Variants in PRLHR observed in about 807,000 individuals in gnomAD.
The protein encoded by PRLHR is prolactin releasing hormone receptor.
In PRLHR, 10 loss-of-function variants were observed where a neutral mutation model predicts 9.3. That is an observed-to-expected ratio of 1.08 (90% CI 0.66 to 1.82). PRLHR has a LOEUF of 1.82. PRLHR is among the 40% of genes most tolerant of loss of function. The pLI is 0.00. For missense variants in PRLHR, 589 were observed against 512.0 expected (o/e 1.15, Z -1.45); for synonymous variants, 261 against 249.3 (o/e 1.05, Z -0.44).
In PRLHR at chr10:118,591,758, C is replaced by A. The variant is rs1029499543; in HGVS notation, c.*2374G>T. 9 of 142,022 alleles carry A rather than the reference C, an allele frequency of 6.3e-5. No homozygotes were observed. The highest frequency in any genetic ancestry group is 1.2e-4 in the Non-Finnish European group (8 of 66,208). The allele number at this position is 142,022 out of a possible 1,614,324, so 8.8% of individuals were successfully genotyped here. A position where few individuals can be genotyped will look rare whatever the true frequency, so the allele number is the denominator to read the frequency against. ...TCACCCAGGTTGGAGTACACTGGCA[C>A]AATCTCAGCTCACTGCAACCTCTGC... On this transcript the variant is annotated 3_prime_UTR_variant, in exon 2 of 2. Coordinates refer to ENST00000239032, the MANE Select transcript of PRLHR (RefSeq NM_004248.3).
rs539260537 is a variant in PRLHR at position 118,593,497 on chromosome 10, G to C, written c.*635C>G. 5 of 152,296 alleles carry C rather than the reference G, an allele frequency of 3.3e-5. No homozygotes were observed. In the East Asian group the frequency reaches 9.6e-4, roughly 29 times the overall value. The allele number at this position is 152,296 out of a possible 1,614,324, so 9.4% of individuals were successfully genotyped here. A position where few individuals can be genotyped will look rare whatever the true frequency, so the allele number is the denominator to read the frequency against. Reference sequence around the variant, plus strand: ...GAGGAAAGGGGAGAAACAATAGCAAGACCTTTCTAAAGGGAGCTTGTAGGT... The same window carrying C: ...GAGGAAAGGGGAGAAACAATAGCAACACCTTTCTAAAGGGAGCTTGTAGGT... On this transcript the variant is annotated 3_prime_UTR_variant, in exon 2 of 2. Coordinates refer to ENST00000239032, the MANE Select transcript of PRLHR (RefSeq NM_004248.3).
chr10:118,594,618 G>T lies in PRLHR; in HGVS notation c.627C>A (p.Arg209=), dbSNP rs1172368251. 3.2e-6 allele frequency: 5 copies of T among 1,576,302 alleles called. No homozygotes were observed. Among genetic ancestry groups the T allele is most frequent in the Non-Finnish European group, 3.4e-6 (4 of 1,162,840 alleles). ...GGGAGCCCCAGAACTCCTCGCAGAG[G>T]CGCACGTCGTGCGGCTTGAGCTCCA... ...YHVELKPHDV[R]LCEEFWGSQE... is the part of the protein sequence containing the mutation. The change falls in exon 2 of 2, where the codon CGC becomes CGA. Residue 209 remains arginine (R), a synonymous_variant. Transcript: ENST00000239032.
In PRLHR at chr10:118,595,011, G is replaced by C; in HGVS notation, c.234C>G (p.Asn78Lys). Residue 78 changes from asparagine to lysine, a missense_variant, in exon 2 of 2, where the codon AAC (asparagine) becomes AAG (lysine). Coordinates refer to ENST00000239032, the MANE Select transcript of PRLHR (RefSeq NM_004248.3). The stretch of plus-strand genomic sequence containing the variant: ...GCGCGATCACCAGCACCAGCAGGCA[G>C]TTGCCCACCAGCCCCACGACCACCA... ...SVVVVVGLVG[N>K]CLLVLVIARV... The C allele has an allele frequency of 1.2e-6, 2 of 1,613,112 alleles. No homozygotes were observed. The highest frequency in any genetic ancestry group is 1.7e-6 in the Non-Finnish European group (2 of 1,179,562).
rs1844480330 is a variant in PRLHR, at chr10:118,595,040, C to T, written c.205G>A (p.Val69Ile). 3.1e-6 allele frequency: 5 copies of T among 1,609,940 alleles called. No individual in the cohort carries two copies. In the East Asian group the frequency reaches 6.7e-5, roughly 22 times the overall value. ...CCCACCAGCCCCACGACCACCACGA[C>T]GCTGTAGAGCAGCACGATCAGCCCC... is the stretch of plus-strand genomic sequence containing the variant. ...LKGLIVLLYS[V>I]VVVVGLVGNC... Residue 69 changes from valine (V) to isoleucine (I), a missense_variant, in exon 2 of 2, where the codon GTC (valine) becomes ATC (isoleucine). Coordinates refer to ENST00000239032, the MANE Select transcript of PRLHR (RefSeq NM_004248.3).
chr10:118,593,831 T>C lies in PRLHR; in HGVS notation c.*301A>G, dbSNP rs36054377. ...GGCAATCGTGGTTCTGAAATACTTT[T>C]CTGAACGTGGAGAAAAAGTTTTGTT... is the stretch of plus-strand genomic sequence containing the variant. On this transcript the variant is annotated 3_prime_UTR_variant, in exon 2 of 2. Transcript: ENST00000239032. 20,351 of 254,862 alleles carry C rather than the reference T, an allele frequency of 0.08. 993 individuals carry two copies. The highest frequency in any genetic ancestry group is 0.17 in the Admixed American group (3,047 of 17,872). 15.8% of individuals were successfully genotyped at this position (254,862 alleles called of 1,614,324 possible).
In PRLHR at chr10:118,594,449, C is replaced by T. The variant is rs971212053; in HGVS notation, c.796G>A (p.Ala266Thr). The change falls in exon 2 of 2, where the codon GCC (alanine) becomes ACC (threonine). Residue 266 changes from alanine to threonine, a missense_variant. Coordinates refer to ENST00000239032, the MANE Select transcript of PRLHR (RefSeq NM_004248.3). The stretch of plus-strand genomic sequence containing the variant: ...CGGCGCCGAGCGCGGTCCCAGTCGG[C>T]CTGGCTCTGGGTCACGCAGCCCGGC... ...VVPGCVTQSQADWDRARRRRT... is the reference protein window; with the variant it reads ...VVPGCVTQSQTDWDRARRRRT... 2 of 1,602,294 alleles carry T rather than the reference C, an allele frequency of 1.2e-6. No individual in the cohort carries two copies. The highest frequency in any genetic ancestry group is 1.7e-5 in the Admixed American group (1 of 59,936).
chr10:118,594,183 G>C lies in PRLHR; in HGVS notation c.1062C>G (p.Pro354=). 1 of 1,558,350 alleles carries C rather than the reference G, an allele frequency of 6.4e-7. No individual in the cohort carries two copies. Among genetic ancestry groups the C allele is most frequent in the Non-Finnish European group, 8.7e-7 (1 of 1,151,130 alleles). The change falls in exon 2 of 2, where the codon CCC becomes CCG. Residue 354 remains proline, a synonymous_variant. Coordinates refer to ENST00000239032, the MANE Select transcript of PRLHR (RefSeq NM_004248.3). ...EELRKLLVAW[P]RKIAPHGQNM... is the part of the protein sequence containing the mutation. The stretch of plus-strand genomic sequence containing the variant: ...TCTGGCCATGGGGGGCTATCTTGCG[G>C]GGCCAAGCGACCAACAGTTTGCGCA...
At position 118,594,149 on chromosome 10, in the gene PRLHR, C is replaced by T. The variant is rs373039353; in HGVS notation, c.1096G>A (p.Val366Ile). The T allele has an allele frequency of 1.2e-5, 19 of 1,524,478 alleles. No homozygotes were observed. In the African/African-American group the frequency reaches 1.4e-4, roughly 11 times the overall value. The allele number at this position is 1,524,478 out of a possible 1,614,324, so 94.4% of individuals were successfully genotyped here. A position where few individuals can be genotyped will look rare whatever the true frequency, so the allele number is the denominator to read the frequency against. ...KIAPHGQNMT[V>I]SVVI ...AAGTGGCATCAGATGACCACGCTGA[C>T]GGTCATATTCTGGCCATGGGGGGCT... The change falls in exon 2 of 2, where the codon GTC (valine) becomes ATC (isoleucine). Residue 366 changes from valine to isoleucine, a missense_variant. Physicochemically the swap from Val to Ile is conservative, Grantham distance 29. Coordinates refer to ENST00000239032, the MANE Select transcript of PRLHR (RefSeq NM_004248.3).
rs958451326 is a variant in PRLHR at position 118,595,170 on chromosome 10, G to C, written c.75C>G (p.Pro25=). The change falls in exon 2 of 2, where the codon CCC becomes CCG. Residue 25 remains proline, a synonymous_variant. Transcript: ENST00000239032. ...FSGLPPAVTT[P]ANQSAEASAG... ...CCGAGGCCTCTGCGCTCTGGTTGGC[G>C]GGAGTTGTGACCGCCGGCGGCAGCC... 1.9e-6 allele frequency: 3 copies of C among 1,584,466 alleles called. No individual in the cohort carries two copies. Among genetic ancestry groups the C allele is most frequent in the Non-Finnish European group, 2.6e-6 (3 of 1,170,134 alleles).
chr10:118,590,831 C>T lies in PRLHR; in HGVS notation c.*3301G>A, dbSNP rs940880408. Reference sequence around the variant, plus strand: ...GTAAGAATTAATTGCTGTTCCGTTGCTGATTTTCATAATATGTAAAGATGT... The same window carrying T: ...GTAAGAATTAATTGCTGTTCCGTTGTTGATTTTCATAATATGTAAAGATGT... On this transcript the variant is annotated 3_prime_UTR_variant, in exon 2 of 2. Transcript: ENST00000239032. 3 of 152,170 alleles carry T rather than the reference C, an allele frequency of 2.0e-5. No individual in the cohort carries two copies. Among genetic ancestry groups the T allele is most frequent in the Non-Finnish European group, 4.4e-5 (3 of 68,038 alleles). 9.4% of individuals were successfully genotyped at this position (152,170 alleles called of 1,614,324 possible).
In PRLHR at chr10:118,590,519, T is replaced by C. The variant is rs1431064136; in HGVS notation, c.*3613A>G. ...AAATCTATTGATTGGCTGCCAAAAG[T>C]GTGACCTGGTGACAAAGCTTGCAAA... On this transcript the variant is annotated 3_prime_UTR_variant, in exon 2 of 2. Coordinates refer to ENST00000239032, the MANE Select transcript of PRLHR (RefSeq NM_004248.3). The C allele has an allele frequency of 1.3e-5, 2 of 152,202 alleles. No individual in the cohort carries two copies. Among genetic ancestry groups the C allele is most frequent in the African/African-American group, 4.8e-5 (2 of 41,456 alleles). 9.4% of individuals were successfully genotyped at this position (152,202 alleles called of 1,614,324 possible).
In PRLHR at chr10:118,594,642, C is replaced by CA; in HGVS notation, c.602dup (p.Glu202GlyfsTer205). The CA allele has an allele frequency of 6.3e-7, 1 of 1,586,042 alleles. No individual in the cohort carries two copies. The highest frequency in any genetic ancestry group is 8.6e-7 in the Non-Finnish European group (1 of 1,168,904). ...GGCGCACGTCGTGCGGCTTGAGCTC[C>CA]ACGTGATAGGTGTGCACGGCGGCGG... On this transcript the variant is annotated frameshift_variant, in exon 2 of 2. Transcript: ENST00000239032. LOFTEE classifies it low-confidence loss of function (END_TRUNC).
Position 118,594,078 on chromosome 10 carries a change from C to T in PRLHR, c.*54G>A, listed in dbSNP as rs1426461623. The T allele has an allele frequency of 1.3e-6, 2 of 1,505,018 alleles. No individual in the cohort carries two copies. The highest frequency in any genetic ancestry group is 1.8e-6 in the Non-Finnish European group (2 of 1,126,448). The allele number at this position is 1,505,018 out of a possible 1,614,324, so 93.2% of individuals were successfully genotyped here. On this transcript the variant is annotated 3_prime_UTR_variant, in exon 2 of 2. Transcript: ENST00000239032. ...AGCACCAGATTGACCTCGAGTGGTG[C>T]CCTAGGAGGCCAGTTGAAGTGGAGC...
rs762835879 is a variant in PRLHR at position 118,595,223 on chromosome 10, C to T, written c.22G>A (p.Gly8Ser). 3.3e-6 allele frequency: 5 copies of T among 1,537,682 alleles called. No individual in the cohort carries two copies. Among genetic ancestry groups the T allele is most frequent in the Admixed American group, 3.9e-5 (2 of 51,368 alleles). The part of the protein sequence containing the change: MASSTTR[G>S]PRVSDLFSGL... The stretch of plus-strand genomic sequence containing the variant: ...GAAAATAAGTCAGAAACCCTGGGGC[C>T]CCGAGTGGTCGATGAGGCCATGGCC... The change falls in exon 2 of 2, where the codon GGC (glycine) becomes AGC (serine). Residue 8 changes from glycine (G) to serine (S), a missense_variant. Transcript: ENST00000239032.
rs1844467301 is a variant in PRLHR at position 118,594,540 on chromosome 10, C to G, written c.705G>C (p.Leu235=). 6.4e-7 allele frequency: 1 copy of G among 1,569,764 alleles called. No individual in the cohort carries two copies. The highest frequency in any genetic ancestry group is 1.9e-5 in the Admixed American group (1 of 53,878). ...YAWGLLLVTY[L]LPLLVILLSY... is the part of the protein sequence containing the mutation. ...ACAGGAGGATGACCAGCAGAGGGAG[C>G]AGGTAGGTGACCAGCAGCAGCCCCC... Residue 235 remains leucine, a synonymous_variant, in exon 2 of 2, where the codon CTG becomes CTC. Transcript: ENST00000239032.
rs763541855 is a variant in PRLHR, at chr10:118,595,136, C to T, written c.109G>A (p.Gly37Arg). 1.3e-6 allele frequency: 2 copies of T among 1,598,740 alleles called. No homozygotes were observed. Among genetic ancestry groups the T allele is most frequent in the Non-Finnish European group, 1.7e-6 (2 of 1,175,620 alleles). The change falls in exon 2 of 2, where the codon GGG becomes AGG. Residue 37 changes from glycine to arginine, a missense_variant. Coordinates refer to ENST00000239032, the MANE Select transcript of PRLHR (RefSeq NM_004248.3). ...NQSAEASAGNGSVAGADAPAV... is the reference protein window; with the variant it reads ...NQSAEASAGNRSVAGADAPAV... ...GGAGCGTCCGCGCCAGCCACCGACC[C>T]GTTGCCCGCCGAGGCCTCTGCGCTC...
At position 118,593,588 on chromosome 10, in the gene PRLHR, AG is replaced by A. The variant is rs1407653414; in HGVS notation, c.*543del. On this transcript the variant is annotated 3_prime_UTR_variant, in exon 2 of 2. Coordinates refer to ENST00000239032, the MANE Select transcript of PRLHR (RefSeq NM_004248.3). ...CTTTTGGCATATAAAGGTCTTACTC[AG>A]GAAATGCTGAAATCCTAGATGTAGA... 1 of 152,256 alleles carries A rather than the reference AG, an allele frequency of 6.6e-6. No homozygotes were observed. The highest frequency in any genetic ancestry group is 1.5e-5 in the Non-Finnish European group (1 of 68,042). The allele number at this position is 152,256 out of a possible 1,614,324, so 9.4% of individuals were successfully genotyped here.
Position 118,594,630 on chromosome 10 carries a change from C to G in PRLHR, c.615G>C (p.Pro205=), listed in dbSNP as rs34269354. The change falls in exon 2 of 2, where the codon CCG becomes CCC. Residue 205 remains proline, a synonymous_variant. Coordinates refer to ENST00000239032, the MANE Select transcript of PRLHR (RefSeq NM_004248.3). ...ACTCCTCGCAGAGGCGCACGTCGTG[C>G]GGCTTGAGCTCCACGTGATAGGTGT... ...AVHTYHVELK[P]HDVRLCEEFW... is the part of the protein sequence containing the mutation. The G allele has an allele frequency of 1.4e-5, 22 of 1,579,456 alleles. No homozygotes were observed. In the African/African-American group the frequency reaches 2.8e-4, roughly 20 times the overall value.
At position 118,594,502 on chromosome 10, in the gene PRLHR, A is replaced by G. The variant is rs1844466393; in HGVS notation, c.743T>C (p.Val248Ala). ...CACGCGGTTGCGGAGCTTCACTGAC[A>G]CCCGGACGTAAGACAGGAGGATGAC... ...LLVILLSYVR[V>A]SVKLRNRVVP... Residue 248 changes from valine to alanine, a missense_variant, in exon 2 of 2, where the codon GTG becomes GCG. Val to Ala is a moderately conservative substitution (Grantham distance 64, BLOSUM62 0). Coordinates refer to ENST00000239032, the MANE Select transcript of PRLHR (RefSeq NM_004248.3). The G allele has an allele frequency of 6.3e-7, 1 of 1,593,400 alleles. No homozygotes were observed.
Sources: allele counts gnomAD v4.1 joint callset, GRCh38; gene constraint gnomAD v4.1.1; transcripts MANE v1.5; gene names NCBI Gene and HGNC (gene_info 2026-07-23, HGNC 2026-07-21).